Variants in CDYL observed in about 807,000 individuals in gnomAD.
CDYL encodes the protein chromodomain Y-like protein.
In CDYL, 8 loss-of-function variants were observed where a neutral mutation model predicts 47.3. The ratio of observed to expected loss-of-function variants is 0.17; its 90% CI spans 0.10 to 0.31. CDYL has a LOEUF of 0.31. Ranked by LOEUF, CDYL falls within the 10% of genes least tolerant of loss-of-function variation. The pLI is 1.00. For synonymous variants in CDYL, 266 were observed against 265.0 expected (o/e 1.00, Z -0.04); for missense variants, 471 against 701.4 (o/e 0.67, Z 3.71).
chr6:4,921,273 G>A (rs566148282), intron 2 of CDYL, among the ~76,000 whole-genome samples: 1 of 152,270 alleles, frequency 6.6e-6, no homozygotes, highest in South Asian at 2.1e-4. Flanking sequence ...ACTAAGCCTC[G>A]TTTTCTCTCT....
At chr6:4,867,258 T>G (rs1761349293) in intron 1 of CDYL, among the ~76,000 whole-genome samples, 1 of 152,128 alleles carries the variant, frequency 6.6e-6, no homozygotes, top group Non-Finnish European at 1.5e-5. Flanking sequence ...TTAAAAAATT[T>G]CTTAATTTCT....
chr6:4,911,570 A>G (rs1757417300), intron 2 of CDYL, among the ~76,000 whole-genome samples: 1 of 152,208 alleles, frequency 6.6e-6, no homozygotes, highest in Non-Finnish European at 1.5e-5. Flanking sequence ...TTGTAGCCAG[A>G]GGCACAAACC....
At chr6:4,715,951 T>C (rs9502226) in intron 2 of CDYL, 315,646 of 1,552,540 alleles carry the variant, frequency 0.2, 33,950 homozygotes, top group Admixed American at 0.31. Flanking sequence ...CCCTTTTATT[T>C]AAAAATGATT....
intron 2 of CDYL, among the ~76,000 whole-genome samples, chr6:4,911,904 G>T (rs1300879942): frequency 6.6e-6 from 1 of 152,230 alleles, no homozygotes; most frequent in African/African-American, 2.4e-5. Context: ...GAGACCATGT[G>T]TAGGCACTGA....
intron 5 of CDYL, among the ~76,000 whole-genome samples, chr6:4,949,648 A>G (rs1048761046): frequency 3.3e-5 from 5 of 152,368 alleles, no homozygotes; most frequent in Admixed American, 2.6e-4. Flanking sequence ...CTAGCTGGTC[A>G]GGTTCCCACC....
At chr6:4,941,147 A>G (rs1419115762) in intron 4 of CDYL, among the ~76,000 whole-genome samples, 1 of 152,258 alleles carries the variant, frequency 6.6e-6, no homozygotes, top group Non-Finnish European at 1.5e-5. Context: ...TTCAATTCCA[A>G]AGAAACAAAT....
intron 1 of CDYL, among the ~76,000 whole-genome samples, chr6:4,805,286 T>TG (rs1581178022): frequency 6.6e-6 from 1 of 151,892 alleles, no homozygotes; most frequent in East Asian, 1.9e-4. Flanking sequence ...TGCTCCCCAT[T>TG]GGGGGAAAAA....
At chr6:4,922,186 T>A (rs896248201) in intron 2 of CDYL, among the ~76,000 whole-genome samples, 1 of 152,202 alleles carries the variant, frequency 6.6e-6, no homozygotes, top group African/African-American at 2.4e-5. Context: ...GGGGGTTGGG[T>A]GAGACACCTG....
intron 2 of CDYL, among the ~76,000 whole-genome samples, chr6:4,901,634 C>G (rs1216394216): frequency 6.6e-6 from 1 of 152,164 alleles, no homozygotes; most frequent in African/African-American, 2.4e-5. Flanking sequence ...AGAACCTACT[C>G]CTGACTTCCA....
intron 1 of CDYL, among the ~76,000 whole-genome samples, chr6:4,778,695 A>G (rs1338232520): frequency 1.3e-5 from 2 of 152,248 alleles, no homozygotes; most frequent in Non-Finnish European, 2.9e-5. Flanking sequence ...AAGGTATTAT[A>G]GAAGTATAGT....
intron 1 of CDYL, among the ~76,000 whole-genome samples, chr6:4,711,997 C>G (rs140250808): frequency 6.6e-6 from 1 of 151,956 alleles, no homozygotes; most frequent in African/African-American, 2.4e-5. Flanking sequence ...CCCAGAAGGT[C>G]GAGGCTGCAG....
chr6:4,805,544 A>G (rs1197191515), intron 1 of CDYL, among the ~76,000 whole-genome samples: 4 of 152,200 alleles, frequency 2.6e-5, no homozygotes, highest in African/African-American at 7.2e-5. Flanking sequence ...TAGAAGTCCC[A>G]TGATCTGCTT....
intron 1 of CDYL, among the ~76,000 whole-genome samples, chr6:4,800,267 T>C (rs147417220): frequency 4.3e-4 from 66 of 152,296 alleles, no homozygotes; most frequent in Middle Eastern, 3.4e-3. Context: ...AAATTTCTTA[T>C]TAATTTTAAT....
chr6:4,913,897 C>G (rs9502251), intron 2 of CDYL, among the ~76,000 whole-genome samples: 13,268 of 152,322 alleles, frequency 0.087, 1,478 homozygotes, highest in African/African-American at 0.26. Flanking sequence ...TGGCGGAGCC[C>G]GGGTCTAGCC....
intron 1 of CDYL, among the ~76,000 whole-genome samples, chr6:4,870,476 C>T (rs543770411): frequency 2.6e-5 from 4 of 152,278 alleles, no homozygotes; most frequent in African/African-American, 9.6e-5. Context: ...TAATATATGT[C>T]TAAGAATCTC....
chr6:4,841,479 C>T lies in CDYL; in HGVS notation c.25-50234C>T, dbSNP rs137896053. On this transcript the variant is annotated intron_variant, in intron 1 of 6. Transcript: ENST00000397588. ...TTTTTATGATTCCTTGAGATGTGAC[C>T]TTAGATTGTCTATTTGTTCTCTTTC... Among the ~76,000 whole-genome samples, 5 of 152,020 alleles carry T rather than the reference C, an allele frequency of 3.3e-5. No homozygotes were observed. In the East Asian group the frequency reaches 9.6e-4, roughly 29 times the overall value.
At chr6:4,794,604 A>C (rs1199188376) in intron 1 of CDYL, among the ~76,000 whole-genome samples, 3 of 152,106 alleles carry the variant, frequency 2.0e-5, no homozygotes, top group Non-Finnish European at 4.4e-5. Flanking sequence ...GGAGAGAGAG[A>C]GTGCAGGGAC....
chr6:4,924,612 T>C (rs1429052032), intron 2 of CDYL, among the ~76,000 whole-genome samples: 1 of 152,214 alleles, frequency 6.6e-6, no homozygotes, highest in African/African-American at 2.4e-5. Flanking sequence ...TTTTATGACA[T>C]CTTGAAGCAT....
intron 1 of CDYL, among the ~76,000 whole-genome samples, chr6:4,815,682 T>C (rs1374366994): frequency 2.7e-5 from 4 of 150,656 alleles, no homozygotes; most frequent in Non-Finnish European, 4.4e-5. Context: ...ACTTTTTTTT[T>C]TTTTTTTTTT....
Sources: allele counts gnomAD v4.1 joint callset (sites outside exome capture counted in the v4.1 genomes callset), GRCh38; gene constraint gnomAD v4.1.1; transcripts MANE v1.5; gene names NCBI Gene and HGNC (gene_info 2026-07-23, HGNC 2026-07-21).